Variants in ATP10B observed in about 807,000 individuals in gnomAD.
ATP10B encodes phospholipid-transporting ATPase VB.
ATP10B carries 122 observed loss-of-function variants against 141.2 expected under a neutral mutation model. The ratio of observed to expected loss-of-function variants is 0.86; its 90% CI spans 0.75 to 1.00. ATP10B has a LOEUF of 1.00. Ranked by LOEUF, ATP10B falls within the 50% of genes least tolerant of loss-of-function variation. The pLI, the probability that ATP10B is intolerant of heterozygous loss-of-function variation, is 0.00. For synonymous variants in ATP10B, 685 were observed against 692.0 expected (o/e 0.99, Z 0.16); for missense variants, 1,876 against 1,825.3 (o/e 1.03, Z -0.51).
intron 2 of ATP10B, among the ~76,000 whole-genome samples, chr5:160,726,773 CAAGCTGG>C (rs1341601143): frequency 6.6e-6 from 1 of 151,480 alleles, no homozygotes; most frequent in Non-Finnish European, 1.5e-5. Context: ...TGGGCCCTTT[CAAGCTGG>C]AAACTGCTCA....
the ATP10B span, among the ~76,000 whole-genome samples, chr5:160,912,137 T>C: frequency 6.6e-6 from 1 of 152,126 alleles, no homozygotes; most frequent in Non-Finnish European, 1.5e-5. Context: ...AGAACTTTTG[T>C]ATTCAGTATA....
chr5:160,771,782 A>C (rs544757633), intron 2 of ATP10B, among the ~76,000 whole-genome samples: 1 of 152,362 alleles, frequency 6.6e-6, no homozygotes, highest in African/African-American at 2.4e-5. Context: ...TTGGTAAGAA[A>C]AATGTATCTG....
chr5:160,611,945 G>A (rs906170247), intron 18 of ATP10B: 5 of 152,376 alleles, frequency 3.3e-5, no homozygotes, highest in African/African-American at 1.2e-4. Context: ...CCAAGAAGAT[G>A]TGGTGGAACT....
rs149604574 is a variant in ATP10B, at chr5:160,572,207, T to A, written c.3751-2524A>T. ...TAAAGAGTTTTTTTTTCCCCTTTTT[T>A]AAAGTTATCCAGTATTTTTTGTTGT... On this transcript the variant is annotated intron_variant, in intron 24 of 25. Transcript: ENST00000327245. Among the ~76,000 whole-genome samples, 8 of 152,230 alleles carry A rather than the reference T, an allele frequency of 5.3e-5. No individual in the cohort carries two copies. The East Asian group carries it at 7.7e-4, about 15-fold the overall frequency.
At chr5:160,693,771 C>T (rs1294958429) in intron 3 of ATP10B, among the ~76,000 whole-genome samples, 1 of 152,206 alleles carries the variant, frequency 6.6e-6, no homozygotes, top group Non-Finnish European at 1.5e-5. Flanking sequence ...ACCTAGATCC[C>T]TCGCATGCAC....
intron 13 of ATP10B, among the ~76,000 whole-genome samples, chr5:160,630,414 A>AG (rs1012825374): frequency 3.3e-5 from 5 of 152,196 alleles, no homozygotes; most frequent in Non-Finnish European, 7.3e-5. Context: ...AGACTGAACA[A>AG]GGGGCAGTGA....
intron 6 of ATP10B, among the ~76,000 whole-genome samples, chr5:160,679,190 C>A (rs1336495183): frequency 6.6e-6 from 1 of 152,112 alleles, no homozygotes; most frequent in Non-Finnish European, 1.5e-5. Flanking sequence ...AGAAAACAGA[C>A]AAAAGAAAAC....
intron 3 of ATP10B, among the ~76,000 whole-genome samples, chr5:160,702,672 T>TG (rs1561770329): frequency 6.6e-6 from 1 of 152,228 alleles, no homozygotes; most frequent in Non-Finnish European, 1.5e-5. Context: ...GAGGGAATTA[T>TG]GAAAAACTGA....
chr5:160,734,621 TAAAAC>T (rs1294320890), intron 2 of ATP10B, among the ~76,000 whole-genome samples: 2 of 151,696 alleles, frequency 1.3e-5, no homozygotes, highest in Admixed American at 6.6e-5. Context: ...AGATAAAAAT[TAAAAC>T]AAAACTTTAA....
chr5:160,883,296 A>G, the ATP10B span, among the ~76,000 whole-genome samples: 1 of 152,238 alleles, frequency 6.6e-6, no homozygotes, highest in Non-Finnish European at 1.5e-5. Context: ...TGAAAACTTC[A>G]GCCCATCTGT....
intron 7 of ATP10B, among the ~76,000 whole-genome samples, chr5:160,652,879 A>T (rs1312219258): frequency 1.2e-5 from 1 of 85,932 alleles, no homozygotes; most frequent in Non-Finnish European, 2.0e-5. Flanking sequence ...TATATATAAT[A>T]TATATATAAT....
At chr5:160,876,457 A>G in the ATP10B span, among the ~76,000 whole-genome samples, 4 of 150,134 alleles carry the variant, frequency 2.7e-5, no homozygotes, top group South Asian at 6.5e-4. Flanking sequence ...TTGACACCCT[A>G]ATATCACAAT....
intron 24 of ATP10B, among the ~76,000 whole-genome samples, chr5:160,584,344 G>A (rs533876964): frequency 5.9e-5 from 9 of 152,112 alleles, no homozygotes; most frequent in South Asian, 4.2e-4. Context: ...ACTTTGGCTC[G>A]CTCTCTGTGG....
intron 7 of ATP10B, among the ~76,000 whole-genome samples, chr5:160,653,089 T>C (rs527305011): frequency 7.2e-5 from 9 of 125,574 alleles, no homozygotes; most frequent in African/African-American, 2.6e-4. Context: ...GTATATATTA[T>C]ATATACACGT....
At chr5:160,902,099 G>A in the ATP10B span, among the ~76,000 whole-genome samples, 1 of 152,120 alleles carries the variant, frequency 6.6e-6, no homozygotes, top group African/African-American at 2.4e-5. Flanking sequence ...TACAAAAAGA[G>A]TTTAATCAGA....
In ATP10B at chr5:160,687,756, C is replaced by T. The variant is rs1157333048; in HGVS notation, c.275+44G>A. The T allele has an allele frequency of 3.8e-6, 6 of 1,578,722 alleles. No individual in the cohort carries two copies. The East Asian group carries it at 6.7e-5, about 18-fold the overall frequency. On this transcript the variant is annotated intron_variant, in intron 5 of 25. Transcript: ENST00000327245. The stretch of plus-strand genomic sequence containing the variant: ...CTCCAGCCTGGGGAACAGAATGAGA[C>T]TCTTTCTCTAAAAAGAGTATTGTTC...
intron 2 of ATP10B, among the ~76,000 whole-genome samples, chr5:160,755,591 G>A (rs991853717): frequency 1.3e-4 from 19 of 150,014 alleles, no homozygotes; most frequent in African/African-American, 3.7e-4. Flanking sequence ...CGAGGCGGGC[G>A]GATCACGAGG....
At chr5:160,760,394 A>C (rs998057093) in intron 2 of ATP10B, among the ~76,000 whole-genome samples, 12 of 152,214 alleles carry the variant, frequency 7.9e-5, no homozygotes, top group Non-Finnish European at 2.9e-5. Flanking sequence ...AATAAAAGGC[A>C]CTGCGATTGC....
chr5:160,737,130 A>G (rs1177311571), intron 2 of ATP10B, among the ~76,000 whole-genome samples: 1 of 152,240 alleles, frequency 6.6e-6, no homozygotes, highest in Non-Finnish European at 1.5e-5. Context: ...GTGATACATC[A>G]TACCAACAGA....
Sources: allele counts gnomAD v4.1 joint callset (sites outside exome capture counted in the v4.1 genomes callset), GRCh38; gene constraint gnomAD v4.1.1; transcripts MANE v1.5; gene names NCBI Gene and HGNC (gene_info 2026-07-23, HGNC 2026-07-21).